The following SPAG16 variants were observed in gnomAD, a reference collection of about 807,000 sequenced individuals.
The protein encoded by SPAG16 is sperm-associated antigen 16 protein.
In SPAG16, 86 loss-of-function variants were observed where a neutral mutation model predicts 80.4. That is an observed-to-expected ratio of 1.07 (90% CI 0.90 to 1.28). The LOEUF (loss-of-function observed/expected upper bound fraction) is 1.28, where lower values mean the gene tolerates loss of function less well. Among genes scored for constraint, SPAG16 ranks in the 50% most tolerant of loss-of-function variants. The pLI, the probability that SPAG16 is intolerant of heterozygous loss-of-function variation, is 0.00. For synonymous variants in SPAG16, 294 were observed against 265.9 expected, an observed-to-expected ratio of 1.11 and a Z score of -1.03; for missense variants, 870 against 765.3, an observed-to-expected ratio of 1.14 and a Z score of -1.61.
chr2:213,360,295 A>G (rs2065902968), intron 7 of SPAG16, among the ~76,000 whole-genome samples: 1 of 152,224 alleles, frequency 6.6e-6, no homozygotes, highest in African/African-American at 2.4e-5. Context: ...AGAATCCAAA[A>G]TGGGTACACA....
intron 13 of SPAG16, among the ~76,000 whole-genome samples, chr2:214,069,625 G>T (rs1489495453): frequency 6.6e-6 from 1 of 152,098 alleles, no homozygotes. Flanking sequence ...GACCAAGGGA[G>T]ATGGGTGGTA....
intron 10 of SPAG16, among the ~76,000 whole-genome samples, chr2:213,795,670 G>T (rs765914978): frequency 6.6e-6 from 1 of 152,110 alleles, no homozygotes; most frequent in Non-Finnish European, 1.5e-5. Context: ...TCATGAGGGT[G>T]GATCTTTCAT....
At chr2:214,146,322 C>T (rs2055635108) in intron 14 of SPAG16, among the ~76,000 whole-genome samples, 1 of 152,168 alleles carries the variant, frequency 6.6e-6, no homozygotes, top group African/African-American at 2.4e-5. Context: ...TGGCAGATGG[C>T]CCTCCAATTT....
chr2:214,265,619 T>C (rs932141970), intron 15 of SPAG16, among the ~76,000 whole-genome samples: 5 of 151,996 alleles, frequency 3.3e-5, no homozygotes, highest in Admixed American at 2.6e-4. Context: ...TGAGGTACAG[T>C]GTATAATTTT....
At chr2:213,538,251 C>T (rs931289818) in intron 10 of SPAG16, among the ~76,000 whole-genome samples, 8 of 152,038 alleles carry the variant, frequency 5.3e-5, no homozygotes, top group African/African-American at 1.7e-4. Flanking sequence ...TTTCTAATTA[C>T]CAGAGTGATT....
At chr2:214,095,984 T>C (rs1449740299) in intron 13 of SPAG16, among the ~76,000 whole-genome samples, 1 of 152,006 alleles carries the variant, frequency 6.6e-6, no homozygotes, top group East Asian at 1.9e-4. Flanking sequence ...AATAATAATG[T>C]AAAACAATTT....
chr2:213,771,860 T>C (rs544429724), intron 10 of SPAG16, among the ~76,000 whole-genome samples: 18 of 152,324 alleles, frequency 1.2e-4, no homozygotes, highest in African/African-American at 4.1e-4. Context: ...AGCCTTGTAA[T>C]ATAGTTTGAA....
intron 13 of SPAG16, among the ~76,000 whole-genome samples, chr2:214,078,127 AG>A (rs34406744): frequency 0.53 from 80,133 of 151,856 alleles, 22,246 homozygotes; most frequent in Non-Finnish European, 0.59. Flanking sequence ...AGTATTCCCA[AG>A]AAAAAGACCC....
At chr2:213,330,086 C>T (rs573380428) in intron 5 of SPAG16, among the ~76,000 whole-genome samples, 14 of 152,318 alleles carry the variant, frequency 9.2e-5, no homozygotes, top group South Asian at 4.1e-4. Context: ...CAGAAGTTTG[C>T]GGCAGGGGTG....
chr2:213,431,304 A>G (rs2070282303), intron 9 of SPAG16, among the ~76,000 whole-genome samples: 1 of 152,098 alleles, frequency 6.6e-6, no homozygotes, highest in African/African-American at 2.4e-5. Flanking sequence ...ACAAATAATA[A>G]CCTTGAATGT....
intron 13 of SPAG16, among the ~76,000 whole-genome samples, chr2:214,060,789 A>G (rs2050222154): frequency 6.6e-6 from 1 of 152,186 alleles, no homozygotes; most frequent in African/African-American, 2.4e-5. Context: ...ACACAAATAA[A>G]TCTCAAGTAC....
At chr2:213,747,798 G>A (rs1045651157) in intron 10 of SPAG16, among the ~76,000 whole-genome samples, 3 of 152,118 alleles carry the variant, frequency 2.0e-5, no homozygotes, top group African/African-American at 4.8e-5. Context: ...ATACATCACC[G>A]TCTTTAAGGG....
chr2:213,735,215 G>T (rs2067230191), intron 10 of SPAG16, among the ~76,000 whole-genome samples: 1 of 152,080 alleles, frequency 6.6e-6, no homozygotes, highest in Admixed American at 6.5e-5. Flanking sequence ...TGTAGGTGCT[G>T]GTTCTAGAGT....
chr2:213,790,773 A>G (rs1470812153), intron 10 of SPAG16, among the ~76,000 whole-genome samples: 3 of 152,032 alleles, frequency 2.0e-5, no homozygotes. Context: ...GTAAGAGGTA[A>G]TCTTTGCCTG....
At chr2:214,101,986 T>G (rs2053067639) in intron 13 of SPAG16, among the ~76,000 whole-genome samples, 1 of 152,064 alleles carries the variant, frequency 6.6e-6, no homozygotes, top group Admixed American at 6.6e-5. Flanking sequence ...AGAACTACAC[T>G]GAAGCAAAGG....
At position 214,036,905 on chromosome 2, in the gene SPAG16, C is replaced by G. The variant is rs537421324; in HGVS notation, c.1527+22828C>G. On this transcript the variant is annotated intron_variant, in intron 13 of 15. Coordinates refer to ENST00000331683, the MANE Select transcript of SPAG16 (RefSeq NM_024532.5). Reference sequence around the variant, plus strand: ...TTAAAGTATACTGGGTCATTTGTTTCTGTTTCTGTTCAATTTTAGAATTTT... The same window carrying G: ...TTAAAGTATACTGGGTCATTTGTTTGTGTTTCTGTTCAATTTTAGAATTTT... Among the ~76,000 whole-genome samples the G allele has an allele frequency of 2.6e-5, 4 of 152,092 alleles. No individual in the cohort carries two copies. In the East Asian group the frequency reaches 7.7e-4, roughly 29 times the overall value.
chr2:213,892,447 C>T (rs1017992118), intron 11 of SPAG16, among the ~76,000 whole-genome samples: 1 of 151,954 alleles, frequency 6.6e-6, no homozygotes, highest in African/African-American at 2.4e-5. Flanking sequence ...CATGATTTCC[C>T]CAAACATAAA....
rs2057761128 is a variant in SPAG16, at chr2:214,194,283, T to A, written c.1720+45017T>A. Among the ~76,000 whole-genome samples, 5 of 152,200 alleles carry A rather than the reference T, an allele frequency of 3.3e-5. No individual in the cohort carries two copies. In the South Asian group the frequency reaches 1.0e-3, roughly 32 times the overall value. On this transcript the variant is annotated intron_variant, in intron 15 of 15. Coordinates refer to ENST00000331683, the MANE Select transcript of SPAG16 (RefSeq NM_024532.5). ...AAAATCTACTATAGGCAAACCTGTC[T>A]ACCTAGATCATAATAGTCATGAAGT...
intron 15 of SPAG16, among the ~76,000 whole-genome samples, chr2:214,151,243 T>C (rs2055960422): frequency 6.6e-6 from 1 of 152,060 alleles, no homozygotes; most frequent in Admixed American, 6.6e-5. Context: ...GGTTGAATTA[T>C]ATCAAAAATT....
Sources: gnomAD v4.1 joint callset for allele counts (sites outside exome capture counted in the v4.1 genomes callset) on GRCh38, gnomAD v4.1.1 for gene constraint, MANE v1.5 for transcripts, NCBI Gene and HGNC (gene_info 2026-07-23, HGNC 2026-07-21) for gene names.